LLGL2: variants seen among roughly 807,000 people sequenced by gnomAD.
The protein encoded by LLGL2 is LLGL scribble cell polarity complex component 2.
Under a neutral mutation model 123.2 loss-of-function variants are expected in LLGL2, and 81 were observed. The ratio of observed to expected loss-of-function variants is 0.66; its 90% CI spans 0.55 to 0.79. The LOEUF is 0.79. LLGL2 is among the 30% of genes least tolerant of loss of function. The pLI, the probability that LLGL2 is intolerant of heterozygous loss-of-function variation, is 0.00. For missense variants in LLGL2, 1,273 were observed against 1,414.6 expected, an observed-to-expected ratio of 0.90 and a Z score of 1.61; for synonymous variants, 577 against 594.1, an observed-to-expected ratio of 0.97 and a Z score of 0.42.
In LLGL2 at chr17:75,564,092, A is replaced by G. The variant is rs553516660; in HGVS notation, c.882-261A>G. Among the ~76,000 whole-genome samples the G allele has an allele frequency of 3.1e-4, 47 of 152,338 alleles. No individual in the cohort carries two copies. The highest frequency in any genetic ancestry group is 1.0e-3 in the African/African-American group (43 of 41,576). The stretch of plus-strand genomic sequence containing the variant: ...TGGCAGCCCTGTTTCTTCAGACAAA[A>G]TCACTCTGGGTGATGTTCAAACAGA... On this transcript the variant is annotated intron_variant, in intron 9 of 25. Transcript: ENST00000392550. The surrounding 1 kb of genome is among the most constrained non-coding windows in gnomAD (Gnocchi z 4.9).
intron 6 of LLGL2, among the ~76,000 whole-genome samples, chr17:75,560,537 A>C (rs2147408065): frequency 6.6e-6 from 1 of 152,210 alleles, no homozygotes; most frequent in South Asian, 2.1e-4. Flanking sequence ...CCCAGGCTAG[A>C]GTGCAATGGC....
At chr17:75,572,701 C>T (rs1598640163) in intron 19 of LLGL2, among the ~76,000 whole-genome samples, 1 of 149,330 alleles carries the variant, frequency 6.7e-6, no homozygotes, top group Non-Finnish European at 1.5e-5. Context: ...TGGTGGACGC[C>T]TGTAATCCCA....
Position 75,573,403 on chromosome 17 carries a change from T to C in LLGL2, c.2726-78T>C, listed in dbSNP as rs1184672678. 27 of 1,561,712 alleles carry C rather than the reference T, an allele frequency of 1.7e-5. No individual in the cohort carries two copies. In the Admixed American group the frequency reaches 3.1e-4, roughly 18 times the overall value. ...TAAGCGGAGAACTGCGAGGGAGCAC[T>C]AGCCCCTACTCCCCCAGGTGGGGAG... On this transcript the variant is annotated intron_variant, in intron 20 of 25. Coordinates refer to ENST00000392550, the MANE Select transcript of LLGL2 (RefSeq NM_001031803.2).
At chr17:75,571,186 T>G (rs2055692850) in intron 17 of LLGL2, 86 bp downstream of exon 17, 4 of 1,319,280 alleles carry the variant, frequency 3.0e-6, no homozygotes, top group Non-Finnish European at 4.2e-6. Flanking sequence ...GGCTGCTGCC[T>G]GCCTGGCTGG....
At chr17:75,541,749 G>A (rs1240589640) in intron 1 of LLGL2, among the ~76,000 whole-genome samples, 4 of 43,450 alleles carry the variant, frequency 9.2e-5, no homozygotes, top group Non-Finnish European at 1.2e-4. Flanking sequence ...TTTTTTTTGA[G>A]ATACTGTTTT....
At position 75,570,226 on chromosome 17, in the gene LLGL2, C is replaced by A. The variant is rs1249864763; in HGVS notation, c.1845C>A (p.Asp615Glu). The change falls in exon 15 of 26, where the codon GAC (aspartate) becomes GAA (glutamate). Residue 615 changes from aspartate (D) to glutamate (E), a missense_variant. Transcript: ENST00000392550. ...CCAGCCATGGCTTTGGCCTCTTTGACCACCAGCAGCGGCGGCAGGTCTTTG... is the reference window on the plus strand; with the variant it reads ...CCAGCCATGGCTTTGGCCTCTTTGAACACCAGCAGCGGCGGCAGGTCTTTG... ...FGTSHGFGLF[D>E]HQQRRQVFVK... 8 of 1,601,508 alleles carry A rather than the reference C, an allele frequency of 5.0e-6. No homozygotes were observed.
intron 6 of LLGL2, among the ~76,000 whole-genome samples, chr17:75,560,266 G>A (rs994510705): frequency 7.9e-5 from 12 of 152,212 alleles, no homozygotes; most frequent in African/African-American, 2.7e-4. Context: ...GGGTAGGGCT[G>A]GGGCAGTGTG....
chr17:75,528,170 C>T (rs113135610), intron 1 of LLGL2, among the ~76,000 whole-genome samples: 1 of 151,972 alleles, frequency 6.6e-6, no homozygotes, highest in African/African-American at 2.4e-5. Flanking sequence ...GGCTGGAGTG[C>T]AGTGGCGAGA....
intron 1 of LLGL2, among the ~76,000 whole-genome samples, chr17:75,533,299 CT>C (rs532813559): frequency 2.4e-3 from 203 of 82,952 alleles, no homozygotes; most frequent in East Asian, 3.6e-3. Flanking sequence ...GCACCTGGCC[CT>C]TTTTTTTTTT....
At chr17:75,525,468 G>A (rs1259867710), upstream of LLGL2, among the ~76,000 whole-genome samples, 1 of 151,888 alleles carries the variant, frequency 6.6e-6, no homozygotes, top group Non-Finnish European at 1.5e-5. This position sits in a 1 kb window ranked among gnomAD's most constrained non-coding sequence, Gnocchi z 4.8. Context: ...GCCGTTCTGC[G>A]TCCAGGTGCG....
At chr17:75,547,729 G>A (rs1426151431) in intron 2 of LLGL2, among the ~76,000 whole-genome samples, 1 of 152,050 alleles carries the variant, frequency 6.6e-6, no homozygotes, top group Non-Finnish European at 1.5e-5. Flanking sequence ...GGAGGCTGGG[G>A]CAAGAGAATC....
chr17:75,558,361 T>A lies in LLGL2; in HGVS notation c.255+125T>A. ...TGGGTTTGCTGCTGATGGAAAGACC[T>A]GGGACCCCCTCCCTTTCCACAGCTG... On this transcript the variant is annotated intron_variant, in intron 4 of 25. Transcript: ENST00000392550. This position sits in a 1 kb window ranked among gnomAD's most constrained non-coding sequence, Gnocchi z 4.0. 8.6e-7 allele frequency: 1 copy of A among 1,164,762 alleles called. No individual in the cohort carries two copies. Among genetic ancestry groups the A allele is most frequent in the Non-Finnish European group, 1.2e-6 (1 of 823,712 alleles). The allele number at this position is 1,164,762 out of a possible 1,614,324, so 72.2% of individuals were successfully genotyped here. A position where few individuals can be genotyped will look rare whatever the true frequency, so the allele number is the denominator to read the frequency against.
At chr17:75,536,265 G>A (rs2053997448) in intron 1 of LLGL2, among the ~76,000 whole-genome samples, 1 of 152,148 alleles carries the variant, frequency 6.6e-6, no homozygotes, top group Non-Finnish European at 1.5e-5. Context: ...AGGACTTGGG[G>A]GGCTCCTCAG....
At position 75,573,196 on chromosome 17, in the gene LLGL2, C is replaced by T; in HGVS notation, c.2643C>T (p.Leu881=). ...GDIQVVSLPL[L]KPQVRYSCIR... ...TCCAGGTGGTCTCGCTGCCCCTGCT[C>T]AAGCCCCAGGTGCGCTACAGCTGCA... The change falls in exon 20 of 26, where the codon CTC becomes CTT. Residue 881 remains leucine (L), a synonymous_variant. Transcript: ENST00000392550. The T allele has an allele frequency of 1.2e-6, 2 of 1,612,910 alleles. No homozygotes were observed. The highest frequency in any genetic ancestry group is 1.1e-5 in the South Asian group (1 of 91,076).
At chr17:75,574,328 C>T in intron 23 of LLGL2, 68 bp downstream of exon 23, 1 of 1,523,084 alleles carries the variant, frequency 6.6e-7, no homozygotes. Flanking sequence ...TCAAGGGAGG[C>T]TGGGCAGGCC....
In LLGL2 at chr17:75,573,555, C is replaced by T; in HGVS notation, c.2800C>T (p.Leu934=). ...CAAGTGGCTGGTGGAGCCCCGGTGT[C>T]TGGTGGATTCAGCAGAAACCAAGAA... The part of the protein sequence containing the change: ...STKWLVEPRC[L]VDSAETKNHR... Residue 934 remains leucine (L), a synonymous_variant, in exon 21 of 26, where the codon CTG becomes TTG. Transcript: ENST00000392550. 1 of 1,612,928 alleles carries T rather than the reference C, an allele frequency of 6.2e-7. No individual in the cohort carries two copies. The highest frequency in any genetic ancestry group is 1.1e-5 in the South Asian group (1 of 91,086).
chr17:75,568,540 G>C lies in LLGL2; in HGVS notation c.1101G>C (p.Gln367His). The C allele has an allele frequency of 6.2e-7, 1 of 1,613,664 alleles. No individual in the cohort carries two copies. Among genetic ancestry groups the C allele is most frequent in the African/African-American group, 1.3e-5 (1 of 75,040 alleles). Residue 367 changes from glutamine to histidine, a missense_variant, in exon 11 of 26, where the codon CAG becomes CAC. Gln to His is a conservative substitution (Grantham distance 24). Coordinates refer to ENST00000392550, the MANE Select transcript of LLGL2 (RefSeq NM_001031803.2). ...AGGAGCTGGTGGTGATTGACCTGCAGACAGCAGGCTGGCCACCGGTCCAGC... is the reference window on the plus strand; with the variant it reads ...AGGAGCTGGTGGTGATTGACCTGCACACAGCAGGCTGGCCACCGGTCCAGC... ...AEEELVVIDL[Q>H]TAGWPPVQLP...
chr17:75,537,123 C>T (rs2054033458), intron 1 of LLGL2, among the ~76,000 whole-genome samples: 1 of 152,130 alleles, frequency 6.6e-6, no homozygotes, highest in Non-Finnish European at 1.5e-5. Context: ...GCGCCCGGCC[C>T]TTTTATTCCT....
In LLGL2 at chr17:75,559,557, C is replaced by G; in HGVS notation, c.530+147C>G. 1 of 971,484 alleles carries G rather than the reference C, an allele frequency of 1.0e-6. No homozygotes were observed. The highest frequency in any genetic ancestry group is 1.5e-6 in the Non-Finnish European group (1 of 675,702). 60.2% of individuals were successfully genotyped at this position (971,484 alleles called of 1,614,324 possible). ...GCAGGGGAGGCTCTTGGCTTCCTAC[C>G]TGTCACCTACTGAGAACCTATTGGC... On this transcript the variant is annotated intron_variant, in intron 6 of 25. Coordinates refer to ENST00000392550, the MANE Select transcript of LLGL2 (RefSeq NM_001031803.2). This position sits in a 1 kb window ranked among gnomAD's most constrained non-coding sequence, Gnocchi z 4.6.
Sources: gnomAD v4.1 joint callset for allele counts (sites outside exome capture counted in the v4.1 genomes callset) on GRCh38, gnomAD v4.1.1 for gene constraint, Gnocchi (gnomAD v3.1) non-coding constraint, MANE v1.5 for transcripts, NCBI Gene and HGNC (gene_info 2026-07-23, HGNC 2026-07-21) for gene names.